ANKZF1: variants seen among roughly 807,000 people sequenced by gnomAD.
ANKZF1 encodes ankyrin repeat and zinc finger peptidyl tRNA hydrolase 1, also known as tRNA endonuclease ANKZF1.
ANKZF1 carries 84 observed loss-of-function variants against 86.0 expected under a neutral mutation model. The observed-to-expected ratio is 0.98, with a 90% confidence interval of 0.82 to 1.17. The LOEUF is 1.17. ANKZF1 is among the 50% of genes most tolerant of loss of function. ANKZF1 has a pLI of 0.00. For synonymous variants in ANKZF1, 331 were observed against 354.2 expected, an observed-to-expected ratio of 0.93 and a Z score of 0.74; for missense variants, 893 against 918.4, an observed-to-expected ratio of 0.97 and a Z score of 0.36.
rs1384041592 is a variant in ANKZF1 at position 219,233,195 on chromosome 2, A to C, written c.671+4A>C. The stretch of plus-strand genomic sequence containing the variant: ...TTGCTGGTGCTATATTTCAAGGGTG[A>C]GAGGGTGCTGCATGGGGGTAAGGAT... On this transcript the variant is annotated splice_donor_region_variant and intron_variant, in intron 6 of 13. Coordinates refer to ENST00000323348, the MANE Select transcript of ANKZF1 (RefSeq NM_018089.3). The C allele has an allele frequency of 6.2e-7, 1 of 1,614,066 alleles. No homozygotes were observed. The highest frequency in any genetic ancestry group is 1.3e-5 in the African/African-American group (1 of 74,936).
chr2:219,236,223 C>G (rs1471510388), intron 13 of ANKZF1, 99 bp from the exon 14 acceptor site: 3 of 1,603,498 alleles, frequency 1.9e-6, no homozygotes, highest in Non-Finnish European at 2.6e-6. Flanking sequence ...CTGGCAGATG[C>G]TGCAGTGAAA....
In ANKZF1 at chr2:219,233,342, G is replaced by C; in HGVS notation, c.728G>C (p.Gly243Ala). 1 of 1,614,266 alleles carries C rather than the reference G, an allele frequency of 6.2e-7. No individual in the cohort carries two copies. The part of the protein sequence containing the change: ...FHRYTVRAKR[G>A]TAQGLRDARG... The stretch of plus-strand genomic sequence containing the variant: ...CGCTATACGGTTCGGGCCAAGCGGG[G>C]CACAGCCCAGGGGCTTCGGGATGCC... The change falls in exon 7 of 14, where the codon GGC becomes GCC. Residue 243 changes from glycine (G) to alanine (A), a missense_variant. Coordinates refer to ENST00000323348, the MANE Select transcript of ANKZF1 (RefSeq NM_018089.3).
In ANKZF1 at chr2:219,234,189, G is replaced by A. The variant is rs1010963956; in HGVS notation, c.1105G>A (p.Val369Ile). Reference sequence around the variant, plus strand: ...CTCACCTCAGACACACTGGAAAACAGTAAGAGAGGAGAGAAAGAAGCCTAC... The same window carrying A: ...CTCACCTCAGACACACTGGAAAACAATAAGAGAGGAGAGAAAGAAGCCTAC... ...LHSPQTHWKT[V>I]REERKKPTEE... Residue 369 changes from valine to isoleucine, a missense_variant, in exon 9 of 14, where the codon GTA becomes ATA. Transcript: ENST00000323348. The A allele has an allele frequency of 6.8e-6, 11 of 1,614,136 alleles. No individual in the cohort carries two copies. The highest frequency in any genetic ancestry group is 9.3e-6 in the Non-Finnish European group (11 of 1,180,024).
In ANKZF1 at chr2:219,233,187, C is replaced by G; in HGVS notation, c.667C>G (p.Gln223Glu). ...TGGGCACTTTGCTGGTGCTATATTT[C>G]AAGGGTGAGAGGGTGCTGCATGGGG... ...AAGHFAGAIF[Q>E]GREVVTHKTF... is the part of the protein sequence containing the mutation. Residue 223 changes from glutamine (Q) to glutamate (E), a missense_variant, in exon 6 of 14, where the codon CAA becomes GAA. Physicochemically the swap from Gln to Glu is conservative, Grantham distance 29. Coordinates refer to ENST00000323348, the MANE Select transcript of ANKZF1 (RefSeq NM_018089.3). 2.5e-6 allele frequency: 4 copies of G among 1,614,218 alleles called. No individual in the cohort carries two copies. The highest frequency in any genetic ancestry group is 3.4e-6 in the Non-Finnish European group (4 of 1,180,028).
Position 219,232,579 on chromosome 2 carries a change from G to A in ANKZF1, c.454G>A (p.Glu152Lys), listed in dbSNP as rs149382949. 47 of 1,614,178 alleles carry A rather than the reference G, an allele frequency of 2.9e-5. No homozygotes were observed. In the Middle Eastern group the frequency reaches 1.2e-3, roughly 40 times the overall value. The stretch of plus-strand genomic sequence containing the variant: ...ACTGGATCGGGAGAGGGCTACATTT[G>A]AGAAGTTGAGCCGACCCCCAGGCTT... ...QTLDRERATF[E>K]KLSRPPGFYP... The change falls in exon 5 of 14, where the codon GAG becomes AAG. Residue 152 changes from glutamate to lysine, a missense_variant. Transcript: ENST00000323348.
chr2:219,233,565 G>A (rs72955447), intron 7 of ANKZF1, 132 bp downstream of exon 7: 125,034 of 1,403,594 alleles, frequency 0.089, 6,488 homozygotes, highest in South Asian at 0.18. Flanking sequence ...AAAGGTAGAT[G>A]AGGGATTCCC....
At position 219,235,579 on chromosome 2, in the gene ANKZF1, G is replaced by C. The variant is rs1423970122; in HGVS notation, c.1797G>C (p.Lys599Asn). The change falls in exon 11 of 14, where the codon AAG (lysine) becomes AAC (asparagine). Residue 599 changes from lysine (K) to asparagine (N), a missense_variant. Coordinates refer to ENST00000323348, the MANE Select transcript of ANKZF1 (RefSeq NM_018089.3). Reference protein sequence around the residue: ...EKNPDAYDYNKAQVPGPLTPE... With the variant: ...EKNPDAYDYNNAQVPGPLTPE... ...ATCCAGATGCCTACGATTACAACAA[G>C]GCTCAGGTCATCTGGAATAGGAAGG... The C allele has an allele frequency of 3.1e-6, 5 of 1,613,882 alleles. No individual in the cohort carries two copies. In the African/African-American group the frequency reaches 5.3e-5, roughly 17 times the overall value.
Position 219,235,331 on chromosome 2 carries a change from C to T in ANKZF1, c.1691+19C>T, listed in dbSNP as rs1399324551. On this transcript the variant is annotated intron_variant, in intron 10 of 13. Transcript: ENST00000323348. Reference sequence around the variant, plus strand: ...CTGTGCAGTGAGTAAAGGTCCCCATCCTGAGTCATTTTGGGTATAGAGAGG... The same window carrying T: ...CTGTGCAGTGAGTAAAGGTCCCCATTCTGAGTCATTTTGGGTATAGAGAGG... 7.5e-6 allele frequency: 12 copies of T among 1,602,366 alleles called. No individual in the cohort carries two copies. In the South Asian group the frequency reaches 1.3e-4, roughly 18 times the overall value.
At chr2:219,230,818 A>C (rs1246676763) in intron 2 of ANKZF1, 1 of 154,052 alleles carries the variant, frequency 6.5e-6, no homozygotes, top group Non-Finnish European at 1.4e-5. Context: ...CACCCACTGC[A>C]ATCTCCGTCT....
Position 219,234,870 on chromosome 2 carries a change from C to A in ANKZF1, c.1249C>A (p.Leu417Ile). The A allele has an allele frequency of 1.2e-6, 2 of 1,613,958 alleles. No homozygotes were observed. Among genetic ancestry groups the A allele is most frequent in the Non-Finnish European group, 1.7e-6 (2 of 1,179,942 alleles). Residue 417 changes from leucine to isoleucine, a missense_variant, in exon 10 of 14, where the codon CTA becomes ATA. Coordinates refer to ENST00000323348, the MANE Select transcript of ANKZF1 (RefSeq NM_018089.3). Reference protein sequence around the residue: ...GEDGFQVELELVELTVGTLDL... With the variant: ...GEDGFQVELEIVELTVGTLDL... ...AGATGGCTTTCAGGTAGAGTTGGAG[C>A]TAGTGGAGTTGACTGTGGGGACTCT...
rs1951071927 is a variant in ANKZF1 at position 219,232,475 on chromosome 2, AT to A, written c.365-13del. 1 of 1,613,566 alleles carries A rather than the reference AT, an allele frequency of 6.2e-7. No homozygotes were observed. Among genetic ancestry groups the A allele is most frequent in the African/African-American group, 1.3e-5 (1 of 74,860 alleles). ...GGGGTACCAAACTTGTGTATCTCATATTGTCTGTCTTCAGGAGATCTTTCCA... is the reference window on the plus strand; with the variant it reads ...GGGGTACCAAACTTGTGTATCTCATATGTCTGTCTTCAGGAGATCTTTCCA... On this transcript the variant is annotated splice_polypyrimidine_tract_variant and intron_variant, in intron 4 of 13. Transcript: ENST00000323348.
chr2:219,233,208 TG>T lies in ANKZF1; in HGVS notation c.671+22del, dbSNP rs1951093922. 2 of 1,614,118 alleles carry T rather than the reference TG, an allele frequency of 1.2e-6. No homozygotes were observed. The highest frequency in any genetic ancestry group is 8.5e-7 in the Non-Finnish European group (1 of 1,179,996). ...ATTTCAAGGGTGAGAGGGTGCTGCA[TG>T]GGGGTAAGGATGGAGTGGATCCTGT... On this transcript the variant is annotated intron_variant, in intron 6 of 13. Transcript: ENST00000323348.
Position 219,236,325 on chromosome 2 carries a change from C to T in ANKZF1, c.2061C>T (p.Arg687=), listed in dbSNP as rs1951233247. Residue 687 remains arginine, a synonymous_variant, in exon 14 of 14, where the codon CGC becomes CGT. Transcript: ENST00000323348. ...IPDSAIVNTR[R]CWSCGASLQG... ...CATTTTTCTTCCTCTTGTTCAGACG[C>T]TGCTGGAGTTGTGGGGCATCCCTCC... 1 of 1,613,956 alleles carries T rather than the reference C, an allele frequency of 6.2e-7. No homozygotes were observed. Among genetic ancestry groups the T allele is most frequent in the African/African-American group, 1.3e-5 (1 of 74,922 alleles).
At chr2:219,234,386 AAC>A (rs752021745) in intron 9 of ANKZF1, 98 bp downstream of exon 9, 1 of 1,441,436 alleles carries the variant, frequency 6.9e-7, no homozygotes, top group Non-Finnish European at 9.8e-7. Context: ...TCCTTATTTA[AAC>A]ACACACCCAC....
chr2:219,230,635 A>G (rs1440544759), intron 2 of ANKZF1: 1 of 421,952 alleles, frequency 2.4e-6, no homozygotes, highest in African/African-American at 2.1e-5. Flanking sequence ...CCCTTCAAAA[A>G]CACTTTAAAC....
intron 1 of ANKZF1, 66 bp from the exon 2 acceptor site, chr2:219,230,162 G>A: frequency 7.0e-7 from 1 of 1,424,542 alleles, no homozygotes; most frequent in South Asian, 1.3e-5. Flanking sequence ...AAGTCAGGCA[G>A]GCAGGAGACG....
Position 219,232,246 on chromosome 2 carries a change from T to C in ANKZF1, c.262-14T>C. The stretch of plus-strand genomic sequence containing the variant: ...ATATTTCCACCTTTATCTCACTCTT[T>C]GTCTTTGTACTAGAGGGAACATTAT... On this transcript the variant is annotated splice_polypyrimidine_tract_variant and intron_variant, in intron 3 of 13. Transcript: ENST00000323348. The C allele has an allele frequency of 6.2e-7, 1 of 1,612,464 alleles. No individual in the cohort carries two copies. Among genetic ancestry groups the C allele is most frequent in the South Asian group, 1.1e-5 (1 of 91,050 alleles).
At chr2:219,232,469 T>C (rs1951071771) in intron 4 of ANKZF1, 21 bp from the exon 5 acceptor site, 1 of 1,613,028 alleles carries the variant, frequency 6.2e-7, no homozygotes, top group African/African-American at 1.3e-5. Flanking sequence ...AACTTGTGTA[T>C]CTCATATTGT....
intron 2 of ANKZF1, chr2:219,231,337 G>A: frequency 4.5e-6 from 1 of 224,468 alleles, no homozygotes; most frequent in Non-Finnish European, 9.9e-6. Flanking sequence ...ACCCTCATCG[G>A]ATTCTTTTCC....
Sources: allele counts gnomAD v4.1 joint callset, GRCh38; gene constraint gnomAD v4.1.1; transcripts MANE v1.5; gene names NCBI Gene and HGNC (gene_info 2026-07-23, HGNC 2026-07-21).